The following RSBN1 variants were observed in gnomAD, a reference collection of about 807,000 sequenced individuals.
RSBN1 encodes lysine-specific demethylase 9.
A neutral mutation model predicts 74.8 loss-of-function variants in RSBN1; 23 were observed. The observed-to-expected ratio is 0.31, with a 90% CI of 0.22 to 0.44. RSBN1 has a LOEUF of 0.44. Among genes scored for constraint, RSBN1 ranks in the 20% least tolerant of loss-of-function variants. The pLI is 1.00. For synonymous variants in RSBN1, 407 were observed against 379.6 expected, an observed-to-expected ratio of 1.07 and a Z score of -0.84; for missense variants, 808 against 1,020.9, an observed-to-expected ratio of 0.79 and a Z score of 2.84.
Position 113,764,055 on chromosome 1 carries a change from A to G in RSBN1, c.*1925T>C, listed in dbSNP as rs771304523. 1 of 152,414 alleles carries G rather than the reference A, an allele frequency of 6.6e-6. No homozygotes were observed. The highest frequency in any genetic ancestry group is 1.5e-5 in the Non-Finnish European group (1 of 68,036). 9.4% of individuals were successfully genotyped at this position (152,414 alleles called of 1,614,324 possible). On this transcript the variant is annotated 3_prime_UTR_variant, in exon 7 of 7. Coordinates refer to ENST00000261441, the MANE Select transcript of RSBN1 (RefSeq NM_018364.5). ...GCCTGGTAAAGCTCTTCTGGACAGA[A>G]AAATAAAAACAAGAAATAACCCAAA...
chr1:113,763,074 T>A lies in RSBN1; in HGVS notation c.*2906A>T, dbSNP rs1309525647. ...GAACATACTATATAGGTTTTTATTA[T>A]TATTGCTTTATGAATTTGGGTTACC... On this transcript the variant is annotated 3_prime_UTR_variant, in exon 7 of 7. Transcript: ENST00000261441. The A allele has an allele frequency of 6.5e-6, 1 of 152,776 alleles. No individual in the cohort carries two copies. The highest frequency in any genetic ancestry group is 1.9e-4 in the East Asian group (1 of 5,342). The allele number at this position is 152,776 out of a possible 1,614,324, so 9.5% of individuals were successfully genotyped here.
At chr1:113,778,746 T>C (rs1409350531) in intron 2 of RSBN1, among the ~76,000 whole-genome samples, 1 of 152,198 alleles carries the variant, frequency 6.6e-6, no homozygotes, top group East Asian at 1.9e-4. Flanking sequence ...GCTCTTTTTT[T>C]CCAGAAGTCT....
chr1:113,783,065 T>C (rs914519092), intron 2 of RSBN1, among the ~76,000 whole-genome samples: 5 of 152,128 alleles, frequency 3.3e-5, no homozygotes, highest in African/African-American at 1.2e-4. Flanking sequence ...TGGTCCTTAA[T>C]AGAAAAAGTT....
chr1:113,768,346 T>A lies in RSBN1; in HGVS notation c.1702A>T (p.Ser568Cys), dbSNP rs775288784. Reference sequence around the variant, plus strand: ...TCAAAGAGAACTTCGCGGGGTTCACTGGTCCGAGGTAGGTACTGGAGATTT... The same window carrying A: ...TCAAAGAGAACTTCGCGGGGTTCACAGGTCCGAGGTAGGTACTGGAGATTT... ...IKNLQYLPRT[S>C]EPREVLFEDR... The change falls in exon 5 of 7, where the codon AGT becomes TGT. Residue 568 changes from serine to cysteine, a missense_variant. Transcript: ENST00000261441. 1 of 1,611,464 alleles carries A rather than the reference T, an allele frequency of 6.2e-7. No homozygotes were observed. The highest frequency in any genetic ancestry group is 1.3e-5 in the African/African-American group (1 of 74,820).
intron 2 of RSBN1, among the ~76,000 whole-genome samples, chr1:113,779,601 G>A (rs538574062): frequency 4.7e-4 from 72 of 152,300 alleles, no homozygotes; most frequent in African/African-American, 1.7e-3. Context: ...ATAGAGATAA[G>A]GAAGGGGAAG....
At position 113,767,092 on chromosome 1, in the gene RSBN1, T is replaced by C; in HGVS notation, c.1935+7A>G. ...ATCGCAAATGGTGATAAAACATAAG[T>C]TATTACCTGGGAAACTGGAGGTTCA... On this transcript the variant is annotated splice_region_variant and intron_variant, in intron 6 of 6. Transcript: ENST00000261441. 6.6e-7 allele frequency: 1 copy of C among 1,513,628 alleles called. No homozygotes were observed. Among genetic ancestry groups the C allele is most frequent in the Non-Finnish European group, 9.1e-7 (1 of 1,094,792 alleles). The allele number at this position is 1,513,628 out of a possible 1,614,324, so 93.8% of individuals were successfully genotyped here.
chr1:113,773,166 A>G (rs1659914649), intron 4 of RSBN1, among the ~76,000 whole-genome samples: 1 of 152,214 alleles, frequency 6.6e-6, no homozygotes, highest in Non-Finnish European at 1.5e-5. Flanking sequence ...ACATGTATAA[A>G]GGAAATTAAA....
chr1:113,803,706 C>T (rs773648195), intron 1 of RSBN1, among the ~76,000 whole-genome samples: 1 of 151,432 alleles, frequency 6.6e-6, no homozygotes, highest in African/African-American at 2.4e-5. Flanking sequence ...AGAACAGGTG[C>T]TGTACTGTTA....
chr1:113,812,311 G>T lies in RSBN1; in HGVS notation c.102C>A (p.Asp34Glu). 1 of 1,603,946 alleles carries T rather than the reference G, an allele frequency of 6.2e-7. No individual in the cohort carries two copies. ...ATTTAAATGGCCCGACCGCCCCCCC[G>T]TCCGCGCATCGCGCAAGCGCCGCCC... ...SARAALARCA[D>E]GGAVGPFKCV... Residue 34 changes from aspartate to glutamate, a missense_variant, in exon 1 of 7, where the codon GAC becomes GAA. Coordinates refer to ENST00000261441, the MANE Select transcript of RSBN1 (RefSeq NM_018364.5).
intron 2 of RSBN1, among the ~76,000 whole-genome samples, chr1:113,782,695 C>T (rs1660162079): frequency 6.6e-6 from 1 of 152,076 alleles, no homozygotes; most frequent in African/African-American, 2.4e-5. Flanking sequence ...TGTGGTCGTT[C>T]TATTTTTAAT....
At position 113,787,338 on chromosome 1, in the gene RSBN1, A is replaced by G. The variant is rs982427267; in HGVS notation, c.1378-9530T>C. On this transcript the variant is annotated intron_variant, in intron 2 of 6. Coordinates refer to ENST00000261441, the MANE Select transcript of RSBN1 (RefSeq NM_018364.5). ...AAAATCCCAGATAGTCAAAGAGAAC[A>G]GAAGTAAAAACTACAGATACAAGCT... is the stretch of plus-strand genomic sequence containing the variant. Among the ~76,000 whole-genome samples the G allele has an allele frequency of 2.6e-5, 4 of 152,256 alleles. 1 individual carries two copies. The South Asian group carries it at 6.2e-4, about 24-fold the overall frequency.
Position 113,764,742 on chromosome 1 carries a change from C to G in RSBN1, c.*1238G>C, listed in dbSNP as rs1035654541. On this transcript the variant is annotated 3_prime_UTR_variant, in exon 7 of 7. Coordinates refer to ENST00000261441, the MANE Select transcript of RSBN1 (RefSeq NM_018364.5). ...AATCTGGTCTTAGGTGTGGGGAGTA[C>G]TCTTCCATTAATAAACAAAAGGCCT... 1 of 150,938 alleles carries G rather than the reference C, an allele frequency of 6.6e-6. No individual in the cohort carries two copies. The highest frequency in any genetic ancestry group is 2.4e-5 in the African/African-American group (1 of 41,010). 9.3% of individuals were successfully genotyped at this position (150,938 alleles called of 1,614,324 possible). A position where few individuals can be genotyped will look rare whatever the true frequency, so the allele number is the denominator to read the frequency against.
At chr1:113,801,446 G>A (rs1660583160) in intron 1 of RSBN1, among the ~76,000 whole-genome samples, 1 of 152,160 alleles carries the variant, frequency 6.6e-6, no homozygotes, top group Non-Finnish European at 1.5e-5. Context: ...AATGGCATAT[G>A]TATAAACAAG....
intron 2 of RSBN1, among the ~76,000 whole-genome samples, chr1:113,796,012 T>G (rs1660464665): frequency 6.6e-6 from 1 of 152,180 alleles, no homozygotes; most frequent in South Asian, 2.1e-4. Flanking sequence ...CAGCAATATC[T>G]TTCCTTGTTA....
chr1:113,771,948 A>T (rs1184083061), intron 4 of RSBN1, among the ~76,000 whole-genome samples: 1 of 151,998 alleles, frequency 6.6e-6, no homozygotes, highest in Non-Finnish European at 1.5e-5. Context: ...AAGTTATGGT[A>T]CCAAATATAA....
In RSBN1 at chr1:113,777,672, T is replaced by C. The variant is rs1338914811; in HGVS notation, c.1514A>G (p.Lys505Arg). Residue 505 changes from lysine (K) to arginine (R), a missense_variant and splice_region_variant, in exon 3 of 7, where the codon AAA (lysine) becomes AGA (arginine). Physicochemically the swap from Lys to Arg is conservative, Grantham distance 26 (BLOSUM62 2). Transcript: ENST00000261441. ...LDMLEESPFL[K>R]MTLPWGTLSS... ...TTAATAATCTTAATTAACACTCACT[T>C]TCAGAAATGGTGATTCTTCTAACAT... 2.5e-6 allele frequency: 4 copies of C among 1,608,292 alleles called. No individual in the cohort carries two copies. Among genetic ancestry groups the C allele is most frequent in the Non-Finnish European group, 3.4e-6 (4 of 1,176,490 alleles).
chr1:113,779,622 CTTTTTAA>C (rs1660097280), intron 2 of RSBN1, among the ~76,000 whole-genome samples: 1 of 152,148 alleles, frequency 6.6e-6, no homozygotes, highest in Non-Finnish European at 1.5e-5. Context: ...AAAGGTAAGT[CTTTTTAA>C]ATCATTATTC....
At chr1:113,781,684 T>G (rs1435386093) in intron 2 of RSBN1, among the ~76,000 whole-genome samples, 3 of 152,168 alleles carry the variant, frequency 2.0e-5, no homozygotes, top group Non-Finnish European at 4.4e-5. Flanking sequence ...TAAGGTTCCC[T>G]TCCCCTCCCA....
intron 2 of RSBN1, among the ~76,000 whole-genome samples, chr1:113,787,974 AGAACTT>A (rs1268974105): frequency 1.3e-5 from 2 of 152,196 alleles, no homozygotes; most frequent in African/African-American, 4.8e-5. Flanking sequence ...AAAATAAAAA[AGAACTT>A]GAACAACTTA....
Sources: allele counts gnomAD v4.1 joint callset (sites outside exome capture counted in the v4.1 genomes callset), GRCh38; gene constraint gnomAD v4.1.1; transcripts MANE v1.5; gene names NCBI Gene and HGNC (gene_info 2026-07-23, HGNC 2026-07-21).